Variants in NFX1 observed in about 807,000 individuals in gnomAD.
NFX1 encodes transcriptional repressor NF-X1.
In NFX1, 69 loss-of-function variants were observed where a neutral mutation model predicts 137.2. The ratio of observed to expected loss-of-function variants is 0.50; its 90% CI spans 0.41 to 0.61. NFX1 has a LOEUF of 0.61. NFX1 is among the 20% of genes least tolerant of loss of function. The probability of loss-of-function intolerance (pLI) is 0.00; values close to 1 mark genes in which losing one functional copy is unlikely to be tolerated. For missense variants in NFX1, 1,167 were observed against 1,391.0 expected (o/e 0.84, Z 2.56); for synonymous variants, 495 against 474.1 (o/e 1.04, Z -0.57).
At chr9:33,314,749 G>C (rs1268193884) in intron 7 of NFX1, among the ~76,000 whole-genome samples, 2 of 152,102 alleles carry the variant, frequency 1.3e-5, no homozygotes, top group African/African-American at 4.8e-5. Flanking sequence ...ATAAAAATTA[G>C]AAAATGGTTG....
chr9:33,350,466 A>G (rs1385895920), intron 15 of NFX1, among the ~76,000 whole-genome samples: 1 of 152,204 alleles, frequency 6.6e-6, no homozygotes, highest in East Asian at 1.9e-4. Flanking sequence ...TGCCCCTGCC[A>G]GTTAGTCATA....
chr9:33,313,647 T>G lies in NFX1; in HGVS notation c.1449-7T>G, dbSNP rs750479330. On this transcript the variant is annotated splice_region_variant and splice_polypyrimidine_tract_variant and intron_variant, in intron 6 of 23. Transcript: ENST00000379540. ...TGATGCTGTCTTTACATCTATTGTC[T>G]TTACAGGCACACAGTTCGCTGTGGT... The G allele has an allele frequency of 6.2e-7, 1 of 1,613,986 alleles. No individual in the cohort carries two copies. The highest frequency in any genetic ancestry group is 1.1e-5 in the South Asian group (1 of 91,072).
chr9:33,322,401 GCTT>G (rs1465771465), intron 9 of NFX1, among the ~76,000 whole-genome samples: 2 of 151,996 alleles, frequency 1.3e-5, no homozygotes, highest in African/African-American at 2.4e-5. Flanking sequence ...AGAAGATGGG[GCTT>G]CTTCTCCCCT....
At chr9:33,348,867 A>G (rs1823531677) in intron 15 of NFX1, 7 of 786,552 alleles carry the variant, frequency 8.9e-6, no homozygotes, top group African/African-American at 3.8e-5. Context: ...CTACATTCCA[A>G]CTGTCCTATA....
chr9:33,294,082 G>C (rs1821257200), intron 1 of NFX1, among the ~76,000 whole-genome samples: 1 of 152,186 alleles, frequency 6.6e-6, no homozygotes, highest in African/African-American at 2.4e-5. Flanking sequence ...CATGGAACCT[G>C]ATGATTGATA....
rs557910792 is a variant in NFX1, at chr9:33,330,781, A to C, written c.2005-1691A>C. ...GTGTATTCTTGAAAAGCTATGTGTA[A>C]GTTGAATTTTTGCAAGTAGAAGTCC... On this transcript the variant is annotated intron_variant, in intron 10 of 23. Coordinates refer to ENST00000379540, the MANE Select transcript of NFX1 (RefSeq NM_002504.6). Among the ~76,000 whole-genome samples, 21 of 152,276 alleles carry C rather than the reference A, an allele frequency of 1.4e-4. No homozygotes were observed. The East Asian group carries it at 3.9e-3, about 28-fold the overall frequency.
At chr9:33,349,495 G>A (rs143320370) in intron 15 of NFX1, among the ~76,000 whole-genome samples, 13 of 152,280 alleles carry the variant, frequency 8.5e-5, no homozygotes, top group African/African-American at 2.9e-4. Context: ...ATTCCAGTGC[G>A]ATGGGAAATA....
At chr9:33,310,999 TAGTAGA>T in intron 5 of NFX1, 101 bp from the exon 6 acceptor site, 3 of 876,374 alleles carry the variant, frequency 3.4e-6, no homozygotes, top group Non-Finnish European at 5.6e-6. Context: ...AGACATGTCA[TAGTAGA>T]TGTATTTGTT....
At chr9:33,328,298 T>C (rs1371614269) in intron 9 of NFX1, among the ~76,000 whole-genome samples, 1 of 152,044 alleles carries the variant, frequency 6.6e-6, no homozygotes, top group Non-Finnish European at 1.5e-5. Context: ...GTGCTGGAAT[T>C]ATAGGCATGA....
chr9:33,301,440 CTG>C lies in NFX1; in HGVS notation c.1192+20_1192+21del, dbSNP rs1821562314. The C allele has an allele frequency of 4.3e-6, 7 of 1,610,256 alleles. No homozygotes were observed. In the Admixed American group the frequency reaches 5.1e-5, roughly 12 times the overall value. On this transcript the variant is annotated intron_variant, in intron 3 of 23. Coordinates refer to ENST00000379540, the MANE Select transcript of NFX1 (RefSeq NM_002504.6). ...CAAGCAGGTCAATTAATTCTCTCTT[CTG>C]AGTAGTTATTCTCCCCTATTTGATA...
intron 18 of NFX1, 124 bp downstream of exon 18, chr9:33,354,311 G>T: frequency 1.3e-6 from 1 of 767,728 alleles, no homozygotes. Context: ...GTATTCAATA[G>T]ACAATTTGAT....
chr9:33,319,809 C>T (rs1395462872), intron 9 of NFX1, among the ~76,000 whole-genome samples: 1 of 151,106 alleles, frequency 6.6e-6, no homozygotes, highest in African/African-American at 2.4e-5. Flanking sequence ...TGTACCTGGC[C>T]AAAGAACTAA....
rs567494221 is a variant in NFX1, at chr9:33,302,441, A to G, written c.1193-750A>G. 1.1e-4 allele frequency among the ~76,000 whole-genome samples: 16 copies of G among 143,990 alleles called. No homozygotes were observed. The East Asian group carries it at 2.6e-3, about 24-fold the overall frequency. The allele number at this position is 143,990 out of a possible 152,430, so 94.5% of individuals were successfully genotyped here. A position where few individuals can be genotyped will look rare whatever the true frequency, so the allele number is the denominator to read the frequency against. ...CAGTGGTGTGATCATGTCTCACTGC[A>G]GCCTTGAATTCCTGGACTCAAATGA... On this transcript the variant is annotated intron_variant, in intron 3 of 23. Coordinates refer to ENST00000379540, the MANE Select transcript of NFX1 (RefSeq NM_002504.6).
chr9:33,359,018 T>G (rs1036067250), intron 19 of NFX1, among the ~76,000 whole-genome samples: 15 of 152,022 alleles, frequency 9.9e-5, no homozygotes, highest in Admixed American at 3.3e-4. Context: ...ATTTTCTAAT[T>G]GCTTGTTGCT....
chr9:33,327,007 A>G (rs1012025401), intron 9 of NFX1, among the ~76,000 whole-genome samples: 1 of 152,206 alleles, frequency 6.6e-6, no homozygotes, highest in Non-Finnish European at 1.5e-5. Flanking sequence ...AGTGAAAAAT[A>G]TAATTAAGGG....
Position 33,342,745 on chromosome 9 carries a change from G to C in NFX1, c.2116-1G>C. On this transcript the variant is annotated splice_acceptor_variant, in intron 12 of 23. Coordinates refer to ENST00000379540, the MANE Select transcript of NFX1 (RefSeq NM_002504.6). LOFTEE classifies it high-confidence loss of function. ...GAACAAATATAAATCTCTTTTCCCA[G>C]GATAAGGAGCACAAGTGTCCTTTGA... is the stretch of plus-strand genomic sequence containing the variant. 1 of 1,605,382 alleles carries C rather than the reference G, an allele frequency of 6.2e-7. No individual in the cohort carries two copies. Among genetic ancestry groups the C allele is most frequent in the Non-Finnish European group, 8.5e-7 (1 of 1,175,364 alleles).
chr9:33,328,745 G>T, intron 10 of NFX1, 67 bp downstream of exon 10: 1 of 1,330,046 alleles, frequency 7.5e-7, no homozygotes, highest in East Asian at 2.3e-5. Flanking sequence ...TTATGGGAGG[G>T]GAGGAATCAA....
chr9:33,351,700 C>T lies in NFX1; in HGVS notation c.2565C>T (p.Pro855=), dbSNP rs896956115. 1 of 1,613,948 alleles carries T rather than the reference C, an allele frequency of 6.2e-7. No homozygotes were observed. Among genetic ancestry groups the T allele is most frequent in the Non-Finnish European group, 8.5e-7 (1 of 1,179,992 alleles). Residue 855 remains proline, a synonymous_variant, in exon 16 of 24, where the codon CCC becomes CCT. Coordinates refer to ENST00000379540, the MANE Select transcript of NFX1 (RefSeq NM_002504.6). ...ECLVDEPCKQ[P]CTTPRADCGH... ...TTGTGGATGAGCCCTGCAAGCAGCCCTGCACCACCCCCAGAGCTGACTGTG... is the reference window on the plus strand; with the variant it reads ...TTGTGGATGAGCCCTGCAAGCAGCCTTGCACCACCCCCAGAGCTGACTGTG...
At chr9:33,318,580 A>T (rs992939667) in intron 7 of NFX1, 151 bp from the exon 8 acceptor site, 1 of 669,544 alleles carries the variant, frequency 1.5e-6, no homozygotes. Context: ...ATTTCTGCAT[A>T]GGTCTGATCA....
Sources: gnomAD v4.1 joint callset for allele counts (sites outside exome capture counted in the v4.1 genomes callset) on GRCh38, gnomAD v4.1.1 for gene constraint, MANE v1.5 for transcripts, NCBI Gene and HGNC (gene_info 2026-07-23, HGNC 2026-07-21) for gene names.